The following MTFR1 variants were observed in gnomAD, a reference collection of about 807,000 sequenced individuals.
MTFR1 encodes the protein mitochondrial fission regulator 1.
A neutral mutation model predicts 38.8 loss-of-function variants in MTFR1; 28 were observed. That is an observed-to-expected ratio of 0.72 (90% CI 0.53 to 0.99). MTFR1 has a LOEUF of 0.99. Among genes scored for constraint, MTFR1 ranks in the 50% least tolerant of loss-of-function variants. The pLI is 0.00. For synonymous variants in MTFR1, 145 were observed against 137.0 expected (o/e 1.06, Z -0.41); for missense variants, 358 against 395.5 (o/e 0.91, Z 0.81).
At position 65,708,964 on chromosome 8, in the gene MTFR1, G is replaced by GT. The variant is rs1805864482; in HGVS notation, c.934-9dup. The GT allele has an allele frequency of 6.2e-7, 1 of 1,612,872 alleles. No homozygotes were observed. On this transcript the variant is annotated splice_polypyrimidine_tract_variant and intron_variant, in intron 7 of 7. Coordinates refer to ENST00000262146, the MANE Select transcript of MTFR1 (RefSeq NM_014637.4). ...ACCAATATCTTTATTTATACTTTTT[G>GT]TTTGTTTCTAGTTTGGGCCACACAT...
rs1378773739 is a variant in MTFR1 at position 65,707,259 on chromosome 8, G to A, written c.764+3G>A. ...GTAAAACTTCGGTCAGTGAAGAGGT[G>A]AGGATACATTCACCTTCTTTCTTCC... is the stretch of plus-strand genomic sequence containing the variant. On this transcript the variant is annotated splice_donor_region_variant and intron_variant, in intron 6 of 7. Coordinates refer to ENST00000262146, the MANE Select transcript of MTFR1 (RefSeq NM_014637.4). The A allele has an allele frequency of 1.1e-5, 17 of 1,611,326 alleles. No individual in the cohort carries two copies. The highest frequency in any genetic ancestry group is 1.4e-5 in the Non-Finnish European group (16 of 1,178,688).
At chr8:65,653,704 T>A (rs1809181544) in intron 1 of MTFR1, among the ~76,000 whole-genome samples, 2 of 152,206 alleles carry the variant, frequency 1.3e-5, no homozygotes, top group South Asian at 4.1e-4. Context: ...CAAATTAGAA[T>A]AATTTTTATG....
intron 2 of MTFR1, chr8:65,719,254 C>A: frequency 6.8e-7 from 1 of 1,473,124 alleles, no homozygotes; most frequent in South Asian, 1.1e-5. Context: ...TTTCTAAAAA[C>A]CTCCAGGAGG....
At chr8:65,673,113 A>G (rs1261570803) in intron 2 of MTFR1, among the ~76,000 whole-genome samples, 1 of 152,060 alleles carries the variant, frequency 6.6e-6, no homozygotes, top group Non-Finnish European at 1.5e-5. Flanking sequence ...ATACTTTCTA[A>G]CTTTTGATTT....
intron 3 of MTFR1, chr8:65,734,657 T>G: frequency 1.7e-6 from 1 of 584,342 alleles, no homozygotes; most frequent in South Asian, 2.4e-5. Context: ...TTCAGAAACT[T>G]GATCCAGCTA....
chr8:65,758,720 T>C (rs1029138096), intron 3 of MTFR1, among the ~76,000 whole-genome samples: 13 of 152,236 alleles, frequency 8.5e-5, no homozygotes, highest in African/African-American at 2.4e-4. Context: ...CTGTACAGTA[T>C]GTTCCTTTGT....
chr8:65,708,205 T>G, intron 7 of MTFR1, 194 bp downstream of exon 7: 2 of 1,095,050 alleles, frequency 1.8e-6, no homozygotes, highest in Non-Finnish European at 2.6e-6. Context: ...CATTTACACT[T>G]TTACTTTTCT....
Position 65,709,186 on chromosome 8 carries a change from A to G in MTFR1, c.*142A>G, listed in dbSNP as rs908516534. ...TTCAGGCTAATTAGTGGATTAAGCA[A>G]TAATGAAAGCACTAAGTTTGGTTTT... On this transcript the variant is annotated 3_prime_UTR_variant, in exon 8 of 8. Transcript: ENST00000262146. 3.4e-5 allele frequency: 25 copies of G among 743,966 alleles called. No homozygotes were observed. The highest frequency in any genetic ancestry group is 5.6e-5 in the Non-Finnish European group (25 of 442,858). The allele number at this position is 743,966 out of a possible 1,614,324, so 46.1% of individuals were successfully genotyped here. A position where few individuals can be genotyped will look rare whatever the true frequency, so the allele number is the denominator to read the frequency against.
intron 2 of MTFR1, among the ~76,000 whole-genome samples, chr8:65,716,512 A>G (rs1563464740): frequency 6.6e-6 from 1 of 152,150 alleles, no homozygotes; most frequent in Non-Finnish European, 1.5e-5. Flanking sequence ...ACAAACATGA[A>G]TATCACAGAA....
At chr8:65,691,819 A>G (rs780797752) in intron 3 of MTFR1, among the ~76,000 whole-genome samples, 1 of 152,032 alleles carries the variant, frequency 6.6e-6, no homozygotes, top group Non-Finnish European at 1.5e-5. Context: ...CCAGCCCTTA[A>G]AATGTTATTT....
chr8:65,691,080 G>A (rs1036432594), intron 3 of MTFR1, among the ~76,000 whole-genome samples: 11 of 152,098 alleles, frequency 7.2e-5, no homozygotes, highest in Admixed American at 2.0e-4. Context: ...CTGAATATCT[G>A]TTTGGATAAG....
chr8:65,730,168 C>CTTTTT (rs1563473710), intron 3 of MTFR1, among the ~76,000 whole-genome samples: 1 of 31,668 alleles, frequency 3.2e-5, no homozygotes, highest in African/African-American at 2.4e-4. Context: ...AGGTTGCGCA[C>CTTTTT]TTCTTTTTTT....
At chr8:65,716,748 G>C (rs920496783) in intron 2 of MTFR1, among the ~76,000 whole-genome samples, 1 of 152,198 alleles carries the variant, frequency 6.6e-6, no homozygotes, top group African/African-American at 2.4e-5. Flanking sequence ...TGCCATGATA[G>C]TTCCACTCTC....
In MTFR1 at chr8:65,747,205, C is replaced by T. The variant is rs78482066; in HGVS notation, c.*49-23742C>T. On this transcript the variant is annotated intron_variant, in intron 3 of 3. Transcript: ENST00000521247. ...GATGTTATTAATACACACACACACA[C>T]AAAAAAGAGAGAGAGACCTAACTTT... 2.6e-5 allele frequency among the ~76,000 whole-genome samples: 4 copies of T among 152,120 alleles called. No individual in the cohort carries two copies. The South Asian group carries it at 8.3e-4, about 32-fold the overall frequency.
At chr8:65,732,509 T>C (rs1806940714) in intron 3 of MTFR1, among the ~76,000 whole-genome samples, 1 of 152,092 alleles carries the variant, frequency 6.6e-6, no homozygotes, top group South Asian at 2.1e-4. Flanking sequence ...AGAGATACAA[T>C]CTTCAGGCAT....
chr8:65,772,184 A>G (rs1809117173), downstream of MTFR1, among the ~76,000 whole-genome samples: 1 of 152,246 alleles, frequency 6.6e-6, no homozygotes, highest in South Asian at 2.1e-4. Context: ...AGGTGCAGAA[A>G]ATAAGTGGGT....
At chr8:65,689,537 C>CTT in intron 3 of MTFR1, 5 of 1,222,704 alleles carry the variant, frequency 4.1e-6, no homozygotes, top group South Asian at 2.8e-5. Flanking sequence ...TATCTCTTCA[C>CTT]TTTTTTTTTC....
chr8:65,692,347 T>A lies in MTFR1; in HGVS notation c.166-1297T>A, dbSNP rs150710065. Among the ~76,000 whole-genome samples the A allele has an allele frequency of 3.3e-3, 508 of 152,358 alleles. 1 individual carries two copies. The highest frequency in any genetic ancestry group is 0.011 in the African/African-American group (463 of 41,586). On this transcript the variant is annotated intron_variant, in intron 3 of 7. Transcript: ENST00000262146. Reference sequence around the variant, plus strand: ...TTCAAGATATCCTGCTTGTCTTTTCTTTTTCTTTTTGAGACTGTCTCACCC... The same window carrying A: ...TTCAAGATATCCTGCTTGTCTTTTCATTTTCTTTTTGAGACTGTCTCACCC...
intron 3 of MTFR1, among the ~76,000 whole-genome samples, chr8:65,720,207 C>T (rs1806316188): frequency 6.6e-6 from 1 of 152,096 alleles, no homozygotes; most frequent in Non-Finnish European, 1.5e-5. Flanking sequence ...TATAGCACTC[C>T]ACTGCACATT....
Sources: allele counts gnomAD v4.1 joint callset (sites outside exome capture counted in the v4.1 genomes callset), GRCh38; gene constraint gnomAD v4.1.1; transcripts MANE v1.5; gene names NCBI Gene and HGNC (gene_info 2026-07-23, HGNC 2026-07-21).